The following NRCAM variants were observed in gnomAD, a reference collection of about 807,000 sequenced individuals.
NRCAM encodes the protein neuronal cell adhesion molecule, also known as NgCAM-related cell adhesion molecule.
A neutral mutation model predicts 156.5 loss-of-function variants in NRCAM; 83 were observed. The observed-to-expected ratio is 0.53, with a 90% CI of 0.44 to 0.64. NRCAM has a LOEUF of 0.64. Among genes scored for constraint, NRCAM ranks in the 30% least tolerant of loss-of-function variants. The pLI is 0.00. For missense variants in NRCAM, 1,417 were observed against 1,597.3 expected, an observed-to-expected ratio of 0.89 and a Z score of 1.92; for synonymous variants, 538 against 563.9, an observed-to-expected ratio of 0.95 and a Z score of 0.65.
intron 1 of NRCAM, among the ~76,000 whole-genome samples, chr7:108,435,968 T>C (rs1831585906): frequency 1.3e-5 from 2 of 152,062 alleles, no homozygotes; most frequent in Admixed American, 1.3e-4. Context: ...CCGTTTCTAC[T>C]GAAAATACAA....
intron 3 of NRCAM, among the ~76,000 whole-genome samples, chr7:108,257,095 G>A (rs1355093530): frequency 2.0e-5 from 3 of 149,554 alleles, no homozygotes; most frequent in South Asian, 2.1e-4. Flanking sequence ...AGGAAAGAAG[G>A]AAGGAAGGAA....
At chr7:108,207,006 G>A (rs1358242949) in intron 13 of NRCAM, among the ~76,000 whole-genome samples, 1 of 152,172 alleles carries the variant, frequency 6.6e-6, no homozygotes, top group African/African-American at 2.4e-5. Context: ...CAGAGGATGT[G>A]TTCTTCTTTG....
chr7:108,195,841 G>A lies in NRCAM; in HGVS notation c.1383C>T (p.Asn461=). The change falls in exon 15 of 33, where the codon AAC becomes AAT. Residue 461 remains asparagine, a synonymous_variant. Transcript: ENST00000379028. ...AEPPRILTPA[N]TLYQVIANRP... ...TGTTTGCAATGACCTGGTAGAGTGT[G>A]TTTGCAGGTGTGAGGATTCGTGGTG... is the stretch of plus-strand genomic sequence containing the variant. The A allele has an allele frequency of 1.2e-6, 2 of 1,613,354 alleles. No individual in the cohort carries two copies. Among genetic ancestry groups the A allele is most frequent in the Non-Finnish European group, 1.7e-6 (2 of 1,179,440 alleles).
intron 2 of NRCAM, among the ~76,000 whole-genome samples, chr7:108,358,764 A>G (rs2099526771): frequency 6.6e-6 from 1 of 152,202 alleles, no homozygotes; most frequent in South Asian, 2.1e-4. Flanking sequence ...AAACGAACTG[A>G]GTACTGCCTC....
chr7:108,390,131 C>T (rs1359806177), intron 2 of NRCAM, among the ~76,000 whole-genome samples: 1 of 152,134 alleles, frequency 6.6e-6, no homozygotes, highest in East Asian at 1.9e-4. Context: ...AGGAATGGTA[C>T]CAGCTCCTCC....
intron 3 of NRCAM, among the ~76,000 whole-genome samples, chr7:108,284,597 T>TC (rs1281949318): frequency 6.6e-6 from 1 of 152,150 alleles, no homozygotes; most frequent in Non-Finnish European, 1.5e-5. Flanking sequence ...CTCACACCCC[T>TC]CCCCTTCTCA....
At chr7:108,418,687 C>T (rs1805075834) in intron 1 of NRCAM, among the ~76,000 whole-genome samples, 1 of 151,966 alleles carries the variant, frequency 6.6e-6, no homozygotes, top group African/African-American at 2.4e-5. Context: ...AAAATACACA[C>T]CATCCTCATT....
chr7:108,393,176 G>C (rs1217736318), intron 2 of NRCAM, among the ~76,000 whole-genome samples: 1 of 152,158 alleles, frequency 6.6e-6, no homozygotes, highest in Admixed American at 6.5e-5. Context: ...GGAATCTACA[G>C]AGGCAGGCAG....
chr7:108,177,105 T>G (rs2060798366), intron 26 of NRCAM, among the ~76,000 whole-genome samples: 1 of 152,178 alleles, frequency 6.6e-6, no homozygotes, highest in East Asian at 1.9e-4. Context: ...CTTTAAAAAG[T>G]AAGATTTGAA....
chr7:108,434,116 G>T (rs1829202825), intron 1 of NRCAM, among the ~76,000 whole-genome samples: 1 of 152,150 alleles, frequency 6.6e-6, no homozygotes, highest in Non-Finnish European at 1.5e-5. Flanking sequence ...GACAACTATT[G>T]AACTCAGGGT....
chr7:108,239,899 T>C (rs903896259), intron 4 of NRCAM, 60 bp downstream of exon 4: 13 of 1,004,606 alleles, frequency 1.3e-5, no homozygotes, highest in African/African-American at 3.2e-5. Context: ...TTCAGAGTGA[T>C]GATAAATGCT....
At chr7:108,342,045 C>T (rs888827014) in intron 2 of NRCAM, among the ~76,000 whole-genome samples, 1 of 152,184 alleles carries the variant, frequency 6.6e-6, no homozygotes, top group Middle Eastern at 3.2e-3. Flanking sequence ...CCTTCGAACC[C>T]AACGTCTCAA....
intron 2 of NRCAM, among the ~76,000 whole-genome samples, chr7:108,315,987 ATGT>A (rs1180287339): frequency 6.6e-6 from 1 of 152,192 alleles, no homozygotes; most frequent in Non-Finnish European, 1.5e-5. Flanking sequence ...GCTGGAAATC[ATGT>A]TGTCATATAC....
intron 3 of NRCAM, among the ~76,000 whole-genome samples, chr7:108,257,445 GGTAA>G (rs2153974753): frequency 6.6e-6 from 1 of 152,194 alleles, no homozygotes; most frequent in South Asian, 2.1e-4. Flanking sequence ...CTTTGCCCCG[GGTAA>G]GTGCTTTCAA....
intron 2 of NRCAM, among the ~76,000 whole-genome samples, chr7:108,314,463 G>A (rs1036027350): frequency 1.3e-5 from 2 of 152,074 alleles, no homozygotes; most frequent in Admixed American, 6.6e-5. Context: ...TCAGTCCTAA[G>A]TCAAAAGGTC....
chr7:108,226,175 T>C (rs748749444), intron 9 of NRCAM, 33 bp downstream of exon 9: 20 of 1,489,506 alleles, frequency 1.3e-5, no homozygotes, highest in East Asian at 2.3e-5. Context: ...GTAAATGTCA[T>C]TGAAGGGGAG....
chr7:108,453,981 C>A (rs757969193), intron 1 of NRCAM, among the ~76,000 whole-genome samples: 8 of 152,120 alleles, frequency 5.3e-5, no homozygotes, highest in Non-Finnish European at 8.8e-5. Flanking sequence ...AAAGGACATT[C>A]AGGGCTGGGG....
At chr7:108,337,822 C>G (rs964923941) in intron 2 of NRCAM, among the ~76,000 whole-genome samples, 1 of 152,182 alleles carries the variant, frequency 6.6e-6, no homozygotes, top group Admixed American at 6.5e-5. Context: ...GAGCAAGGAC[C>G]TCCCCGCAAC....
At chr7:108,193,959 A>T in intron 17 of NRCAM, 65 bp downstream of exon 17, 1 of 1,498,916 alleles carries the variant, frequency 6.7e-7, no homozygotes, top group Non-Finnish European at 9.2e-7. Flanking sequence ...TACATAGTAG[A>T]CCTTTAGTTC....
Sources: allele counts gnomAD v4.1 joint callset (sites outside exome capture counted in the v4.1 genomes callset), GRCh38; gene constraint gnomAD v4.1.1; transcripts MANE v1.5; gene names NCBI Gene and HGNC (gene_info 2026-07-23, HGNC 2026-07-21).